Variants in CADPS observed in about 807,000 individuals in gnomAD.
CADPS encodes calcium dependent secretion activator.
A neutral mutation model predicts 167.3 loss-of-function variants in CADPS; 57 were observed. That is an observed-to-expected ratio of 0.34 (90% CI 0.28 to 0.42). The LOEUF (loss-of-function observed/expected upper bound fraction) is 0.42, where lower values mean the gene tolerates loss of function less well. Among genes scored for constraint, CADPS ranks in the 20% least tolerant of loss-of-function variants. The pLI is 1.00. For synonymous variants in CADPS, 676 were observed against 635.3 expected, an observed-to-expected ratio of 1.06 and a Z score of -0.96; for missense variants, 1,414 against 1,738.1, an observed-to-expected ratio of 0.81 and a Z score of 3.32.
chr3:62,722,685 T>C (rs1214107339), intron 3 of CADPS, among the ~76,000 whole-genome samples: 2 of 152,210 alleles, frequency 1.3e-5, no homozygotes, highest in African/African-American at 4.8e-5. Flanking sequence ...TATGACCCAA[T>C]AGTTTCCATA....
intron 23 of CADPS, among the ~76,000 whole-genome samples, chr3:62,477,422 C>A (rs746254575): frequency 7.9e-5 from 12 of 152,008 alleles, no homozygotes; most frequent in Non-Finnish European, 1.2e-4. Flanking sequence ...GATGTCCCCT[C>A]AGTGGAATTT....
In CADPS at chr3:62,576,685, G is replaced by C. The variant is rs576381145; in HGVS notation, c.1578-5747C>G. The stretch of plus-strand genomic sequence containing the variant: ...ATGCATCTGTAGTCCCAGCTACTCG[G>C]GAGGCTGAGGTACGAGAATCAGTTG... On this transcript the variant is annotated intron_variant, in intron 8 of 29. Transcript: ENST00000383710. Among the ~76,000 whole-genome samples, 3 of 150,108 alleles carry C rather than the reference G, an allele frequency of 2.0e-5. No homozygotes were observed. In the Admixed American group the frequency reaches 2.0e-4, roughly 10 times the overall value.
chr3:62,549,839 T>C (rs557513381), intron 11 of CADPS, 64 bp downstream of exon 11: 11 of 1,287,500 alleles, frequency 8.5e-6, no homozygotes, highest in East Asian at 4.7e-5. Context: ...GGTTTTCTAA[T>C]TCAACTTTGG....
At chr3:62,833,630 C>A (rs899527285) in intron 1 of CADPS, among the ~76,000 whole-genome samples, 9 of 152,026 alleles carry the variant, frequency 5.9e-5, no homozygotes, top group South Asian at 2.1e-4. Flanking sequence ...GGGATCTTAA[C>A]TGATATTAAA....
chr3:62,636,246 T>C (rs1008503563), intron 6 of CADPS, among the ~76,000 whole-genome samples: 2 of 152,212 alleles, frequency 1.3e-5, no homozygotes, highest in African/African-American at 4.8e-5. Context: ...TCACCTACCA[T>C]AACAATGACA....
At chr3:62,795,258 TA>T (rs2093323605) in intron 1 of CADPS, among the ~76,000 whole-genome samples, 2 of 152,116 alleles carry the variant, frequency 1.3e-5, no homozygotes, top group Non-Finnish European at 2.9e-5. Flanking sequence ...TCACCATCTC[TA>T]AGAGGCTTGC....
At chr3:62,487,347 A>G (rs1035214118) in intron 21 of CADPS, among the ~76,000 whole-genome samples, 1 of 152,222 alleles carries the variant, frequency 6.6e-6, no homozygotes, top group East Asian at 1.9e-4. Flanking sequence ...GCTGATGGAA[A>G]TGTTGTCCAT....
At chr3:62,463,878 C>A (rs115003672) in intron 26 of CADPS, among the ~76,000 whole-genome samples, 1 of 152,260 alleles carries the variant, frequency 6.6e-6, no homozygotes, top group African/African-American at 2.4e-5. Context: ...TGAATTCAAT[C>A]CTCGTACCTG....
At chr3:62,833,217 T>C (rs1025946418) in intron 1 of CADPS, among the ~76,000 whole-genome samples, 1 of 152,096 alleles carries the variant, frequency 6.6e-6, no homozygotes, top group Non-Finnish European at 1.5e-5. Flanking sequence ...TACAGTGGCA[T>C]GATCATAGCT....
At chr3:62,842,224 T>A (rs998731810) in intron 1 of CADPS, among the ~76,000 whole-genome samples, 2 of 152,152 alleles carry the variant, frequency 1.3e-5, no homozygotes, top group African/African-American at 4.8e-5. Flanking sequence ...ACGTATATTA[T>A]CTCATCTAAT....
intron 3 of CADPS, among the ~76,000 whole-genome samples, chr3:62,716,564 G>C (rs2084673700): frequency 6.6e-6 from 1 of 152,108 alleles, no homozygotes; most frequent in South Asian, 2.1e-4. Flanking sequence ...TCTGAAGGTG[G>C]CATTACATTA....
chr3:62,793,786 CAT>C (rs1236952925), intron 1 of CADPS, among the ~76,000 whole-genome samples: 3 of 152,204 alleles, frequency 2.0e-5, no homozygotes, highest in African/African-American at 7.2e-5. Flanking sequence ...CGTGCGTGCA[CAT>C]GTGTGCGTGC....
chr3:62,489,770 T>C (rs1276785721), intron 21 of CADPS, among the ~76,000 whole-genome samples: 1 of 152,198 alleles, frequency 6.6e-6, no homozygotes, highest in Non-Finnish European at 1.5e-5. Flanking sequence ...AAAACGTAAA[T>C]ATTACTCATT....
intron 8 of CADPS, among the ~76,000 whole-genome samples, chr3:62,576,565 C>T (rs957033764): frequency 6.7e-6 from 1 of 149,868 alleles, no homozygotes; most frequent in East Asian, 2.0e-4. Context: ...CTGAGGTGCA[C>T]AGATCAGTTG....
chr3:62,687,630 T>C (rs775282443), intron 3 of CADPS, among the ~76,000 whole-genome samples: 2 of 152,004 alleles, frequency 1.3e-5, no homozygotes, highest in Non-Finnish European at 2.9e-5. Context: ...TCATGAGTAC[T>C]TTTTCTTTCT....
intron 1 of CADPS, among the ~76,000 whole-genome samples, chr3:62,857,683 T>A (rs1185637275): frequency 6.6e-6 from 1 of 152,090 alleles, no homozygotes; most frequent in African/African-American, 2.4e-5. Flanking sequence ...TATATATCCA[T>A]GCAGATGTAT....
intron 4 of CADPS, among the ~76,000 whole-genome samples, chr3:62,657,700 T>C (rs915538677): frequency 5.9e-5 from 9 of 152,180 alleles, no homozygotes; most frequent in Non-Finnish European, 1.2e-4. Context: ...GATGTTCTTG[T>C]GCAGCCGTCT....
intron 3 of CADPS, among the ~76,000 whole-genome samples, chr3:62,749,869 T>C (rs1395157004): frequency 1.3e-5 from 2 of 152,198 alleles, no homozygotes; most frequent in Non-Finnish European, 2.9e-5. Context: ...CCTCAGTGCG[T>C]CAGGGCACTG....
chr3:62,524,121 A>G (rs917635762), intron 13 of CADPS, among the ~76,000 whole-genome samples: 2 of 152,208 alleles, frequency 1.3e-5, no homozygotes, highest in Admixed American at 1.3e-4. Flanking sequence ...ACTCTTTATT[A>G]CTTCTAGTTT....
Sources: allele counts gnomAD v4.1 joint callset (sites outside exome capture counted in the v4.1 genomes callset), GRCh38; gene constraint gnomAD v4.1.1; transcripts MANE v1.5; gene names NCBI Gene and HGNC (gene_info 2026-07-23, HGNC 2026-07-21).